Variants in HK2 observed in about 807,000 individuals in gnomAD.
HK2 encodes the protein hexokinase-2.
HK2 carries 42 observed loss-of-function variants against 92.9 expected under a neutral mutation model. That is an observed-to-expected ratio of 0.45 (90% CI 0.35 to 0.58). The LOEUF (loss-of-function observed/expected upper bound fraction) is 0.58, where lower values mean the gene tolerates loss of function less well. HK2 is among the 20% of genes least tolerant of loss of function. The pLI is 0.00. For missense variants in HK2, 978 were observed against 1,245.1 expected (o/e 0.79, Z 3.23); for synonymous variants, 422 against 468.0 (o/e 0.90, Z 1.27).
chr2:74,835,062 C>T (rs1460480066), intron 1 of HK2: 3 of 259,918 alleles, frequency 1.2e-5, no homozygotes, highest in South Asian at 8.3e-5. Flanking sequence ...GCTCCGCTGC[C>T]GCGTGGGGCC....
At chr2:74,855,411 C>T (rs541284253) in intron 2 of HK2, among the ~76,000 whole-genome samples, 1 of 152,214 alleles carries the variant, frequency 6.6e-6, no homozygotes, top group African/African-American at 2.4e-5. Flanking sequence ...GCTCTGTCAC[C>T]CAGGCTAGAG....
intron 3 of HK2, among the ~76,000 whole-genome samples, chr2:74,870,554 C>CCT (rs1689073423): frequency 8.1e-6 from 1 of 123,206 alleles, no homozygotes; most frequent in African/African-American, 3.0e-5. Flanking sequence ...CTGCATCTCC[C>CCT]TTTTTTTTTT....
At chr2:74,846,600 A>G (rs1025368526) in intron 1 of HK2, among the ~76,000 whole-genome samples, 1 of 152,178 alleles carries the variant, frequency 6.6e-6, no homozygotes, top group African/African-American at 2.4e-5. Context: ...ATGTGGTTGC[A>G]TGTAGTGGTA....
At position 74,888,006 on chromosome 2, in the gene HK2, C is replaced by T. The variant is rs201434233; in HGVS notation, c.2323C>T (p.Arg775Trp). ...ACTCTTCCGAGGCCGCATCTCAGAG[C>T]GGCTCAAGACAAGGGGCATCTTTGA... is the stretch of plus-strand genomic sequence containing the variant. The part of the protein sequence containing the change: ...GLLFRGRISE[R>W]LKTRGIFETK... The change falls in exon 16 of 18, where the codon CGG becomes TGG. Residue 775 changes from arginine (R) to tryptophan (W), a missense_variant. Around this residue, in one of 3 missense-constraint regions of HK2, gnomAD observed 742 missense variants for 922.5 expected, o/e 0.80. Coordinates refer to ENST00000290573, the MANE Select transcript of HK2 (RefSeq NM_000189.5). 1.3e-4 allele frequency: 210 copies of T among 1,614,050 alleles called. 1 individual carries two copies. Among genetic ancestry groups the T allele is most frequent in the Admixed American group, 8.3e-4 (50 of 60,000 alleles).
chr2:74,842,366 C>T (rs1464988921), intron 1 of HK2, among the ~76,000 whole-genome samples: 4 of 152,184 alleles, frequency 2.6e-5, no homozygotes, highest in Non-Finnish European at 5.9e-5. Flanking sequence ...AGATATTCAA[C>T]ACTTTATTGT....
intron 3 of HK2, among the ~76,000 whole-genome samples, chr2:74,871,402 GCTTACTTTTTACA>G (rs1326178454): frequency 6.6e-6 from 1 of 152,222 alleles, no homozygotes; most frequent in Non-Finnish European, 1.5e-5. Flanking sequence ...TTTGGCCTCT[GCTTACTTTTTACA>G]CCTGAATGCC....
chr2:74,844,641 G>A (rs1225730752), intron 1 of HK2, among the ~76,000 whole-genome samples: 1 of 152,218 alleles, frequency 6.6e-6, no homozygotes. Context: ...AGATGCCACT[G>A]TGGGGCAAGA....
In HK2 at chr2:74,835,038, G is replaced by A. The variant is rs369076018; in HGVS notation, c.63+395G>A. The A allele has an allele frequency of 1.3e-5, 4 of 300,056 alleles. No homozygotes were observed. In the East Asian group the frequency reaches 3.7e-4, roughly 28 times the overall value. The allele number at this position is 300,056 out of a possible 1,614,324, so 18.6% of individuals were successfully genotyped here. A position where few individuals can be genotyped will look rare whatever the true frequency, so the allele number is the denominator to read the frequency against. On this transcript the variant is annotated intron_variant, in intron 1 of 17. Coordinates refer to ENST00000290573, the MANE Select transcript of HK2 (RefSeq NM_000189.5). ...GGCGAGAGCACGTGGAGAGAATCGTGGCTGCGGGAGGCTGCTCCGCTGCCG... is the reference window on the plus strand; with the variant it reads ...GGCGAGAGCACGTGGAGAGAATCGTAGCTGCGGGAGGCTGCTCCGCTGCCG...
intron 13 of HK2, among the ~76,000 whole-genome samples, chr2:74,885,845 A>AAC (rs71406901): frequency 0.088 from 11,349 of 129,044 alleles, 483 homozygotes; most frequent in Middle Eastern, 0.13. Context: ...AGAGCTGTGA[A>AAC]ACACACACAC....
At chr2:74,860,085 G>A (rs1043635205) in intron 2 of HK2, among the ~76,000 whole-genome samples, 13 of 150,526 alleles carry the variant, frequency 8.6e-5, no homozygotes, top group Non-Finnish European at 4.4e-5. Context: ...AATACCGCAC[G>A]TTTTCACTTA....
Position 74,834,724 on chromosome 2 carries a change from G to A in HK2, c.63+81G>A. On this transcript the variant is annotated intron_variant, in intron 1 of 17. Transcript: ENST00000290573. This position sits in a 1 kb window ranked among gnomAD's most constrained non-coding sequence, Gnocchi z 4.2. ...CATCAGTCTCTTCCTCGACCCTGCG[G>A]GGACCCGCTTCCTCCCTACTCCGGG... 2 of 1,480,946 alleles carry A rather than the reference G, an allele frequency of 1.4e-6. No individual in the cohort carries two copies. Among genetic ancestry groups the A allele is most frequent in the South Asian group, 2.3e-5 (2 of 88,424 alleles). The allele number at this position is 1,480,946 out of a possible 1,614,324, so 91.7% of individuals were successfully genotyped here.
In HK2 at chr2:74,841,258, A is replaced by G. The variant is rs188620302; in HGVS notation, c.63+6615A>G. 4.6e-5 allele frequency among the ~76,000 whole-genome samples: 7 copies of G among 151,782 alleles called. No individual in the cohort carries two copies. The East Asian group carries it at 1.4e-3, about 29-fold the overall frequency. ...CTGGAGACATTTTTGGTTGTCACAA[A>G]GGTTTGGGTGAGTGTGTGTTACTGA... On this transcript the variant is annotated intron_variant, in intron 1 of 17. Coordinates refer to ENST00000290573, the MANE Select transcript of HK2 (RefSeq NM_000189.5).
chr2:74,876,921 G>T (rs1398350122), intron 7 of HK2, among the ~76,000 whole-genome samples: 1 of 152,124 alleles, frequency 6.6e-6, no homozygotes, highest in African/African-American at 2.4e-5. Context: ...TACTCCCTGT[G>T]TGTTTCATTT....
intron 9 of HK2, 117 bp from the exon 10 acceptor site, chr2:74,880,148 C>T: frequency 9.2e-7 from 1 of 1,086,294 alleles, no homozygotes; most frequent in South Asian, 1.3e-5. Context: ...AGGGCAGCAC[C>T]CACTCCTGCA....
In HK2 at chr2:74,885,581, C is replaced by T. The variant is rs772432357; in HGVS notation, c.1927C>T (p.Arg643Trp). ...VVTLLKEAIHRREEFDLDVVA... is the reference protein window; with the variant it reads ...VVTLLKEAIHWREEFDLDVVA... ...GACCCTGCTGAAGGAAGCGATCCAC[C>T]GGCGAGAGGTAGGAGACACATGGCA... Residue 643 changes from arginine (R) to tryptophan (W), a missense_variant, in exon 13 of 18, where the codon CGG (arginine) becomes TGG (tryptophan). By Grantham distance (101) the Arg-to-Trp change is moderately radical. This residue lies in a region of HK2 where 742 missense variants were observed against 922.5 expected (regional missense o/e 0.80). Transcript: ENST00000290573. 1.9e-5 allele frequency: 31 copies of T among 1,610,056 alleles called. No homozygotes were observed. Among genetic ancestry groups the T allele is most frequent in the Admixed American group, 8.3e-5 (5 of 59,984 alleles).
At position 74,881,745 on chromosome 2, in the gene HK2, A is replaced by T; in HGVS notation, c.1605A>T (p.Gly535=). ...KGDFLALDLG[G]TNFRVLLVRV... ...ACTTCTTGGCCTTGGACCTTGGAGG[A>T]ACAAATTTCCGGGTCCTGCTGGTCC... Residue 535 remains glycine (G), a synonymous_variant, in exon 11 of 18, where the codon GGA becomes GGT. Transcript: ENST00000290573. 1.2e-6 allele frequency: 2 copies of T among 1,614,138 alleles called. No individual in the cohort carries two copies.
intron 2 of HK2, among the ~76,000 whole-genome samples, chr2:74,856,396 AAGAGCCCCTCG>A (rs1461252909): frequency 6.6e-6 from 1 of 152,078 alleles, no homozygotes; most frequent in Non-Finnish European, 1.5e-5. Flanking sequence ...TGGCCCTTCA[AAGAGCCCCTCG>A]AGGTGAGGGG....
intron 3 of HK2, among the ~76,000 whole-genome samples, 164 bp from the exon 4 acceptor site, chr2:74,872,136 G>C (rs1308063400): frequency 6.6e-6 from 1 of 152,162 alleles, no homozygotes; most frequent in Admixed American, 6.5e-5. Context: ...CATGAGGACA[G>C]GTCCAGTTAT....
At chr2:74,876,490 A>C (rs545329040) in intron 7 of HK2, among the ~76,000 whole-genome samples, 8 of 152,298 alleles carry the variant, frequency 5.3e-5, no homozygotes, top group African/African-American at 1.4e-4. Context: ...AAATCACCGG[A>C]CCGCACTGCT....
Sources: gnomAD v4.1 joint callset for allele counts (sites outside exome capture counted in the v4.1 genomes callset) on GRCh38, gnomAD v4.1.1 for gene constraint, gnomAD v4.1.1 regional missense constraint, Gnocchi (gnomAD v3.1) non-coding constraint, MANE v1.5 for transcripts, NCBI Gene and HGNC (gene_info 2026-07-23, HGNC 2026-07-21) for gene names.